WBP1L: variants seen among roughly 807,000 people sequenced by gnomAD.
The protein encoded by WBP1L is WW domain binding protein 1-like.
In WBP1L, 17 loss-of-function variants were observed where a neutral mutation model predicts 33.7. The ratio of observed to expected loss-of-function variants is 0.50; its 90% confidence interval spans 0.34 to 0.76. The LOEUF (loss-of-function observed/expected upper bound fraction) is 0.76, where lower values mean the gene tolerates loss of function less well. Ranked by LOEUF, WBP1L falls within the 30% of genes least tolerant of loss-of-function variation. WBP1L has a pLI of 0.01. For synonymous variants in WBP1L, 173 were observed against 190.8 expected (o/e 0.91, Z 0.77); for missense variants, 389 against 469.4 (o/e 0.83, Z 1.58).
chr10:102,798,125 T>A, intron 2 of WBP1L, 30 bp downstream of exon 2: 1 of 1,584,424 alleles, frequency 6.3e-7, no homozygotes, highest in Non-Finnish European at 8.7e-7. Flanking sequence ...CCTCTCAGTA[T>A]CCCAGGGTCC....
intron 1 of WBP1L, among the ~76,000 whole-genome samples, chr10:102,787,344 G>C (rs1231141854): frequency 6.6e-6 from 1 of 152,190 alleles, no homozygotes; most frequent in Admixed American, 6.5e-5. Context: ...TCCCAGCACT[G>C]TTGGAGGCTG....
At chr10:102,753,143 A>G (rs949249680) in intron 1 of WBP1L, among the ~76,000 whole-genome samples, 1 of 152,098 alleles carries the variant, frequency 6.6e-6, no homozygotes, top group Non-Finnish European at 1.5e-5. Flanking sequence ...CGCTGATCCC[A>G]CTGTAACTGC....
intron 1 of WBP1L, among the ~76,000 whole-genome samples, chr10:102,762,739 G>A (rs1408917631): frequency 6.6e-6 from 1 of 152,176 alleles, no homozygotes; most frequent in Non-Finnish European, 1.5e-5. Context: ...TCAGAGAAAC[G>A]TGGAAAAATG....
At chr10:102,768,284 G>T (rs1843137990) in intron 1 of WBP1L, among the ~76,000 whole-genome samples, 1 of 151,490 alleles carries the variant, frequency 6.6e-6, no homozygotes. Context: ...ATGTTTGCCA[G>T]GCTGGTCTTG....
At chr10:102,780,136 TA>T (rs2134045073) in intron 1 of WBP1L, among the ~76,000 whole-genome samples, 1 of 152,234 alleles carries the variant, frequency 6.6e-6, no homozygotes, top group East Asian at 1.9e-4. Flanking sequence ...TCAGTGTCTG[TA>T]AAGGGCAGAT....
At chr10:102,810,076 T>A (rs373500156) in intron 3 of WBP1L, 22 bp downstream of exon 3, 2 of 1,591,672 alleles carry the variant, frequency 1.3e-6, no homozygotes, top group South Asian at 2.3e-5. Context: ...CAAGCCCCCA[T>A]ACCCACCCTC....
Position 102,814,515 on chromosome 10 carries a change from AGTT to A in WBP1L, c.*1188_*1190del, listed in dbSNP as rs1425412334. 6.9e-6 allele frequency: 1 copy of A among 145,388 alleles called. No homozygotes were observed. Among genetic ancestry groups the A allele is most frequent in the African/African-American group, 2.6e-5 (1 of 38,902 alleles). 9.0% of individuals were successfully genotyped at this position (145,388 alleles called of 1,614,324 possible). A position where few individuals can be genotyped will look rare whatever the true frequency, so the allele number is the denominator to read the frequency against. ...GGGTTTTTTTTTTTTTTTTGGTGGC[AGTT>A]GTTTGTTTTAAACTGACCACTTGGA... On this transcript the variant is annotated 3_prime_UTR_variant, in exon 4 of 4. Transcript: ENST00000448841.
chr10:102,813,283 C>T lies in WBP1L; in HGVS notation c.1044C>T (p.Ile348=), dbSNP rs1843876963. 1 of 1,612,732 alleles carries T rather than the reference C, an allele frequency of 6.2e-7. No individual in the cohort carries two copies. The highest frequency in any genetic ancestry group is 1.3e-5 in the African/African-American group (1 of 74,900). Residue 348 remains isoleucine (I), a synonymous_variant, in exon 4 of 4, where the codon ATC becomes ATT. Coordinates refer to ENST00000448841, the MANE Select transcript of WBP1L (RefSeq NM_001083913.2). ...RPPACLLLNT[I]NEQDSPNSQS... The stretch of plus-strand genomic sequence containing the variant: ...CCGCATGCCTGCTGCTGAACACCAT[C>T]AACGAGCAGGACTCTCCCAACTCCC...
chr10:102,746,131 T>A, intron 1 of WBP1L: 2 of 985,294 alleles, frequency 2.0e-6, no homozygotes, highest in Non-Finnish European at 2.4e-6. Flanking sequence ...GCAACGGGGA[T>A]GATGGAAAGT....
intron 2 of WBP1L, among the ~76,000 whole-genome samples, chr10:102,806,658 G>T (rs981743132): frequency 1.3e-5 from 2 of 152,150 alleles, no homozygotes; most frequent in Non-Finnish European, 2.9e-5. Flanking sequence ...GGGTAACAGG[G>T]AAAAAAATCC....
chr10:102,772,116 C>A (rs1053193933), intron 1 of WBP1L, among the ~76,000 whole-genome samples: 1 of 151,224 alleles, frequency 6.6e-6, no homozygotes, highest in Non-Finnish European at 1.5e-5. Flanking sequence ...CCCGCCACCA[C>A]GCTGGTTAAT....
chr10:102,776,611 A>G (rs1288154943), intron 1 of WBP1L, among the ~76,000 whole-genome samples: 1 of 152,078 alleles, frequency 6.6e-6, no homozygotes, highest in Non-Finnish European at 1.5e-5. Context: ...CCGTGTTCTT[A>G]ACCCTCTACG....
At chr10:102,777,561 CTTTTT>C (rs35713577) in intron 1 of WBP1L, among the ~76,000 whole-genome samples, 1 of 55,570 alleles carries the variant, frequency 1.8e-5, no homozygotes, top group Non-Finnish European at 3.2e-5. Context: ...AAAGGCTGTC[CTTTTT>C]TTTTTTTTTT....
At chr10:102,779,563 A>C (rs1453889947) in intron 1 of WBP1L, among the ~76,000 whole-genome samples, 2 of 152,194 alleles carry the variant, frequency 1.3e-5, no homozygotes, top group East Asian at 3.9e-4. Context: ...CGGCCTCCCA[A>C]AGTGCTGGGA....
chr10:102,777,410 G>T (rs1843279858), intron 1 of WBP1L, among the ~76,000 whole-genome samples: 2 of 152,012 alleles, frequency 1.3e-5, no homozygotes, highest in Admixed American at 1.3e-4. Flanking sequence ...CCCTTGAGTT[G>T]CCTACAGTTC....
At position 102,813,198 on chromosome 10, in the gene WBP1L, T is replaced by C. The variant is rs1843874091; in HGVS notation, c.959T>C (p.Leu320Pro). Residue 320 changes from leucine to proline, a missense_variant, in exon 4 of 4, where the codon CTC (leucine) becomes CCC (proline). By Grantham distance (98) the Leu-to-Pro change is moderately conservative. Coordinates refer to ENST00000448841, the MANE Select transcript of WBP1L (RefSeq NM_001083913.2). ...CCCCCTGGTGATGAGGAGGAAGGCC[T>C]CTGTCAGTCCTCTGAGGAGCAGGCT... ...VRPPGDEEEG[L>P]CQSSEEQARE... 1.2e-6 allele frequency: 2 copies of C among 1,613,736 alleles called. No homozygotes were observed. The highest frequency in any genetic ancestry group is 8.5e-7 in the Non-Finnish European group (1 of 1,179,998).
At chr10:102,792,830 A>G (rs1428303802) in intron 1 of WBP1L, among the ~76,000 whole-genome samples, 2 of 151,942 alleles carry the variant, frequency 1.3e-5, no homozygotes. Context: ...CCTGACCTCA[A>G]GTGATCTGCC....
At chr10:102,779,644 A>C (rs188657780) in intron 1 of WBP1L, among the ~76,000 whole-genome samples, 19 of 152,272 alleles carry the variant, frequency 1.2e-4, no homozygotes, top group Non-Finnish European at 2.5e-4. Context: ...GGGCCCCAGA[A>C]TATGCATTTC....
At chr10:102,759,391 A>T (rs1334968245) in intron 1 of WBP1L, among the ~76,000 whole-genome samples, 1 of 152,244 alleles carries the variant, frequency 6.6e-6, no homozygotes, top group East Asian at 1.9e-4. Context: ...AATAATGTTT[A>T]TAATAATGAT....
Sources: gnomAD v4.1 joint callset for allele counts (sites outside exome capture counted in the v4.1 genomes callset) on GRCh38, gnomAD v4.1.1 for gene constraint, MANE v1.5 for transcripts, NCBI Gene and HGNC (gene_info 2026-07-23, HGNC 2026-07-21) for gene names.